SPRY3: variants seen among roughly 807,000 people sequenced by gnomAD.
SPRY3 encodes the protein protein sprouty homolog 3.
In SPRY3, 15 loss-of-function variants were observed where a neutral mutation model predicts 20.2. That is an observed-to-expected ratio of 0.74 (90% CI 0.50 to 1.14). The LOEUF is 1.14. SPRY3 is among the 50% of genes most tolerant of loss of function. The probability of loss-of-function intolerance (pLI) is 0.00; values close to 1 mark genes in which losing one functional copy is unlikely to be tolerated. For missense variants in SPRY3, 364 were observed against 363.9 expected (o/e 1.00, Z 0.00); for synonymous variants, 143 against 136.5 (o/e 1.05, Z -0.33).
intron 2 of SPRY3, among the ~76,000 whole-genome samples, chrX:155,741,670 A>G (rs1378147167): frequency 1.3e-5 from 2 of 152,188 alleles, no homozygotes; most frequent in Non-Finnish European, 2.9e-5. Flanking sequence ...CAGAAACCCT[A>G]CAAGCCAGAG....
intron 2 of SPRY3, among the ~76,000 whole-genome samples, chrX:155,753,909 C>A (rs937858503): frequency 3.9e-5 from 6 of 151,912 alleles, no homozygotes; most frequent in African/African-American, 1.4e-4. Context: ...GATGTCTATT[C>A]AAATCCTTTG....
chrX:155,730,127 C>T (rs1246074083), intron 2 of SPRY3, among the ~76,000 whole-genome samples: 3 of 152,048 alleles, frequency 2.0e-5, no homozygotes, highest in African/African-American at 7.2e-5. Context: ...GAACTAATAC[C>T]AATCCTACTC....
At chrX:155,636,556 TGTAG>T (rs201691268) in intron 1 of SPRY3, among the ~76,000 whole-genome samples, 1,433 of 77,082 alleles carry the variant, frequency 0.019, 15 homozygotes, top group African/African-American at 0.042. Flanking sequence ...CTTGTTTTTA[TGTAG>T]GTAGGTATGT....
chrX:155,686,096 A>T (rs2068087005), intron 2 of SPRY3, among the ~76,000 whole-genome samples: 1 of 111,715 alleles, frequency 9.0e-6, no homozygotes, highest in South Asian at 3.7e-4. Context: ...TATTTAACTG[A>T]TTATTTCAGT....
chrX:155,679,887 G>A (rs1021552231), intron 2 of SPRY3, among the ~76,000 whole-genome samples: 2 of 110,674 alleles, frequency 1.8e-5, no homozygotes, highest in Non-Finnish European at 3.8e-5. Flanking sequence ...CAGACGGTAG[G>A]CGAAGAGAGG....
intron 2 of SPRY3, among the ~76,000 whole-genome samples, chrX:155,721,160 T>C (rs2091054689): frequency 6.6e-6 from 1 of 152,144 alleles, no homozygotes; most frequent in Non-Finnish European, 1.5e-5. Context: ...CTGAAGAATG[T>C]ACCAGAGTCT....
At chrX:155,741,171 G>A (rs1280205596) in intron 2 of SPRY3, among the ~76,000 whole-genome samples, 1 of 152,130 alleles carries the variant, frequency 6.6e-6, no homozygotes. Flanking sequence ...ACGTGATGGA[G>A]CTGAAAAACA....
exon 4 of SPRY3, chrX:155,776,550 A>G (rs1287937822): frequency 2.4e-5 from 4 of 167,122 alleles, no homozygotes; most frequent in Admixed American, 6.5e-5. Flanking sequence ...AAAAGACACA[A>G]GAATTATACA....
chrX:155,627,542 T>A (rs142835047), intron 1 of SPRY3, among the ~76,000 whole-genome samples: 265 of 112,224 alleles, frequency 2.4e-3, no homozygotes, highest in African/African-American at 8.3e-3. Context: ...TTGTGAATAG[T>A]GCTGCGATAA....
intron 2 of SPRY3, among the ~76,000 whole-genome samples, chrX:155,686,127 C>T (rs1024824229): frequency 9.0e-6 from 1 of 111,510 alleles, no homozygotes; most frequent in Non-Finnish European, 1.9e-5. Context: ...CTATTGTGTT[C>T]TCCTTTATAT....
chrX:155,696,212 A>C (rs867472263), intron 2 of SPRY3, among the ~76,000 whole-genome samples: 2 of 103,487 alleles, frequency 1.9e-5, no homozygotes, highest in South Asian at 8.6e-4. Context: ...ATACACACAC[A>C]ACACACACAC....
rs201988966 is a variant in SPRY3, at chrX:155,774,371, G to A, written c.500G>A (p.Cys167Tyr). The stretch of plus-strand genomic sequence containing the variant: ...ACAGCAGCTCGCCCTCTCCCCTCCT[G>A]CTGGCTGTGCAACCAGCGCTGCCTT... The change falls in exon 4 of 4, where the codon TGC (cysteine) becomes TAC (tyrosine). Residue 167 changes from cysteine to tyrosine, a missense_variant. Transcript: ENST00000675360. 141 of 1,613,874 alleles carry A rather than the reference G, an allele frequency of 8.7e-5. No homozygotes were observed. In the East Asian group the frequency reaches 1.6e-3, roughly 18 times the overall value.
At chrX:155,737,525 A>C (rs976730294) in intron 2 of SPRY3, among the ~76,000 whole-genome samples, 9 of 152,164 alleles carry the variant, frequency 5.9e-5, no homozygotes, top group Non-Finnish European at 8.8e-5. Flanking sequence ...GCAGATGGGG[A>C]GTTAGGGAAG....
At chrX:155,718,686 T>C (rs1323590118) in intron 2 of SPRY3, among the ~76,000 whole-genome samples, 1 of 152,144 alleles carries the variant, frequency 6.6e-6, no homozygotes, top group Non-Finnish European at 1.5e-5. Context: ...ATTGGCTATT[T>C]ATTTAGAAAT....
chrX:155,640,833 C>G (rs2067938027), intron 1 of SPRY3, among the ~76,000 whole-genome samples: 2 of 111,576 alleles, frequency 1.8e-5, no homozygotes, highest in Admixed American at 1.9e-4. Flanking sequence ...TTAGTAAAGT[C>G]TTTAGGTTTT....
chrX:155,779,644 T>C (rs766742292), downstream of SPRY3: 1 of 167,136 alleles, frequency 6.0e-6, no homozygotes, highest in South Asian at 2.1e-4. Flanking sequence ...TCCATGAGCA[T>C]AATAGCAGGA....
chrX:155,754,991 A>C lies in SPRY3; in HGVS notation c.-281-12971A>C, dbSNP rs757281125. Among the ~76,000 whole-genome samples, 14 of 151,598 alleles carry C rather than the reference A, an allele frequency of 9.2e-5. No homozygotes were observed. The South Asian group carries it at 2.9e-3, about 32-fold the overall frequency. On this transcript the variant is annotated intron_variant, in intron 2 of 3. Coordinates refer to ENST00000675360, the Ensembl canonical transcript of SPRY3. ...GTGTGTGTGTGTATTTTAAATAGGG[A>C]ATTTGCTATGGAAGTTTGTTACAAA... is the stretch of plus-strand genomic sequence containing the variant.
chrX:155,723,768 G>A (rs1303839833), intron 2 of SPRY3, among the ~76,000 whole-genome samples: 1 of 152,060 alleles, frequency 6.6e-6, no homozygotes, highest in Non-Finnish European at 1.5e-5. Flanking sequence ...CTTTTGCTGT[G>A]CAGAAGCTCT....
intron 1 of SPRY3, among the ~76,000 whole-genome samples, chrX:155,626,382 G>A (rs1255143976): frequency 2.7e-5 from 3 of 111,243 alleles, no homozygotes; most frequent in African/African-American, 6.5e-5. Flanking sequence ...CCTTAGCCCA[G>A]TTTTAAATTG....
Sources: gnomAD v4.1 joint callset for allele counts (sites outside exome capture counted in the v4.1 genomes callset) on GRCh38, gnomAD v4.1.1 for gene constraint, MANE v1.5 for transcripts, NCBI Gene and HGNC (gene_info 2026-07-23, HGNC 2026-07-21) for gene names.